The following XDH variants were observed in gnomAD, a reference collection of about 807,000 sequenced individuals.
The protein encoded by XDH is xanthine dehydrogenase, also known as xanthine dehydrogenase/oxidase.
In XDH, 138 loss-of-function variants were observed where a neutral mutation model predicts 156.1. The ratio of observed to expected loss-of-function variants is 0.88; its 90% confidence interval spans 0.77 to 1.02. The LOEUF (loss-of-function observed/expected upper bound fraction) is 1.02, where lower values mean the gene tolerates loss of function less well. Ranked by LOEUF, XDH falls within the 50% of genes least tolerant of loss-of-function variation. The pLI, the probability that XDH is intolerant of heterozygous loss-of-function variation, is 0.00. For missense variants in XDH, 1,849 were observed against 1,684.9 expected, an observed-to-expected ratio of 1.10 and a Z score of -1.71; for synonymous variants, 669 against 625.7, an observed-to-expected ratio of 1.07 and a Z score of -1.03.
intron 14 of XDH, among the ~76,000 whole-genome samples, chr2:31,375,871 A>G (rs1686230595): frequency 6.6e-6 from 1 of 152,240 alleles, no homozygotes; most frequent in South Asian, 2.1e-4. Context: ...AAATGTAGTA[A>G]GCAAAATTCC....
intron 6 of XDH, among the ~76,000 whole-genome samples, chr2:31,389,351 G>A (rs1686701266): frequency 6.6e-6 from 1 of 152,196 alleles, no homozygotes; most frequent in African/African-American, 2.4e-5. Flanking sequence ...CCCACCACCT[G>A]GACACGCTGC....
rs372719993 is a variant in XDH at position 31,348,324 on chromosome 2, G to A, written c.3091C>T (p.Leu1031=). ...LLHVYTDGSV[L]LTHGGTEMGQ... ...ATCTCAGTCCCCCCGTGGGTCAGCA[G>A]CACAGAGCCATCTGTGTACACATGA... Residue 1031 remains leucine, a synonymous_variant, in exon 28 of 36, where the codon CTG becomes TTG. Coordinates refer to ENST00000379416, the MANE Select transcript of XDH (RefSeq NM_000379.4). 28 of 1,614,202 alleles carry A rather than the reference G, an allele frequency of 1.7e-5. No individual in the cohort carries two copies. The African/African-American group carries it at 3.6e-4, about 21-fold the overall frequency.
At chr2:31,346,903 C>A (rs1462028578) in intron 29 of XDH, 60 bp from the exon 30 acceptor site, 3 of 1,610,622 alleles carry the variant, frequency 1.9e-6, no homozygotes, top group African/African-American at 1.3e-5. Flanking sequence ...GTAGCCCAGG[C>A]AAAACCCGAG....
At chr2:31,370,535 C>G in intron 17 of XDH, 57 bp from the exon 18 acceptor site, 1 of 1,607,926 alleles carries the variant, frequency 6.2e-7, no homozygotes, top group South Asian at 1.1e-5. Context: ...GGGGACCCAT[C>G]ACCTGGTTGG....
intron 3 of XDH, 47 bp from the exon 4 acceptor site, chr2:31,401,375 A>T: frequency 6.3e-7 from 1 of 1,597,708 alleles, no homozygotes; most frequent in Non-Finnish European, 8.6e-7. Flanking sequence ...CACTCAGATC[A>T]TCAGAATGGG....
chr2:31,400,038 C>T (rs1047171946), intron 4 of XDH, among the ~76,000 whole-genome samples: 2 of 152,284 alleles, frequency 1.3e-5, no homozygotes, highest in South Asian at 4.1e-4. Flanking sequence ...AATTTCCCCT[C>T]TTCCTGCCTA....
chr2:31,338,714 CTTTTTTTTTTTTTT>C (rs57389753), intron 34 of XDH, among the ~76,000 whole-genome samples: 1 of 62,150 alleles, frequency 1.6e-5, no homozygotes, highest in African/African-American at 7.1e-5. Context: ...CTGACCAAGT[CTTTTTTTTTTTTTT>C]TTTTTTTTTT....
chr2:31,408,667 T>C (rs1687257956), intron 1 of XDH, among the ~76,000 whole-genome samples: 1 of 152,198 alleles, frequency 6.6e-6, no homozygotes. Flanking sequence ...ATCAACACAA[T>C]TGATCCAGTT....
At chr2:31,414,064 T>G (rs946515258) in intron 1 of XDH, among the ~76,000 whole-genome samples, 96 of 151,752 alleles carry the variant, frequency 6.3e-4, no homozygotes, top group African/African-American at 2.2e-3. Flanking sequence ...ATGCCCTTTA[T>G]GAAAAAAAAA....
intron 18 of XDH, among the ~76,000 whole-genome samples, chr2:31,369,094 C>A (rs1358796025): frequency 6.6e-6 from 1 of 152,130 alleles, no homozygotes; most frequent in East Asian, 1.9e-4. Context: ...GCCCTGACCC[C>A]CAGTTTTATT....
intron 7 of XDH, 128 bp from the exon 8 acceptor site, chr2:31,388,025 A>G: frequency 8.5e-7 from 1 of 1,181,774 alleles, no homozygotes; most frequent in South Asian, 1.3e-5. Context: ...GGAGCAGGTA[A>G]TCCCTGGGAG....
At chr2:31,385,527 G>A (rs184314612) in intron 9 of XDH, among the ~76,000 whole-genome samples, 2 of 152,318 alleles carry the variant, frequency 1.3e-5, no homozygotes, top group East Asian at 3.9e-4. Flanking sequence ...CTGCTTAGAA[G>A]GAGAGCATGC....
At chr2:31,350,642 G>T (rs1431508144) in intron 24 of XDH, among the ~76,000 whole-genome samples, 2 of 152,118 alleles carry the variant, frequency 1.3e-5, no homozygotes, top group African/African-American at 4.8e-5. Flanking sequence ...CCAAAGTGCT[G>T]GGATTACAGG....
chr2:31,339,526 C>T lies in XDH; in HGVS notation c.3737G>A (p.Arg1246His), dbSNP rs140606023. The T allele has an allele frequency of 1.7e-4, 267 of 1,614,188 alleles. No individual in the cohort carries two copies. Among genetic ancestry groups the T allele is most frequent in the African/African-American group, 2.8e-4 (21 of 75,050 alleles). The change falls in exon 34 of 36, where the codon CGC (arginine) becomes CAC (histidine). Residue 1246 changes from arginine to histidine, a missense_variant. By Grantham distance (29) the Arg-to-His change is conservative. Transcript: ENST00000379416. The part of the protein sequence containing the change: ...IPIEFRVSLL[R>H]DCPNKKAIYA... ...GATGGCCTTCTTGTTGGGGCAGTCG[C>T]GGAGCAGGGACACCCTGAACTCAAT...
intron 13 of XDH, among the ~76,000 whole-genome samples, chr2:31,378,355 C>T (rs1348368738): frequency 6.6e-6 from 1 of 152,156 alleles, no homozygotes; most frequent in African/African-American, 2.4e-5. Context: ...CACCTGACTT[C>T]AGGCCCTTTC....
chr2:31,373,907 T>C lies in XDH; in HGVS notation c.1652A>G (p.Gln551Arg), dbSNP rs1038659579. 1.9e-6 allele frequency: 3 copies of C among 1,613,870 alleles called. No homozygotes were observed. The highest frequency in any genetic ancestry group is 2.2e-5 in the East Asian group (1 of 44,896). Residue 551 changes from glutamine (Q) to arginine (R), a missense_variant, in exon 16 of 36, where the codon CAG becomes CGG. Gln to Arg is a conservative substitution (Grantham distance 43, BLOSUM62 1). Transcript: ENST00000379416. The stretch of plus-strand genomic sequence containing the variant: ...CTGGACATCGGCTGGGGGGTCTTTC[T>C]GAAACAGTAAAGTTGCACTGGCGAA... ...PTFASATLLF[Q>R]KDPPADVQLF...
chr2:31,349,986 A>G (rs769446153), intron 25 of XDH, 46 bp downstream of exon 25: 2 of 1,612,624 alleles, frequency 1.2e-6, no homozygotes, highest in South Asian at 2.2e-5. Context: ...TGTCCCCCGA[A>G]GTAGTCTAAA....
chr2:31,383,269 C>G, intron 10 of XDH, 117 bp from the exon 11 acceptor site: 1 of 1,506,370 alleles, frequency 6.6e-7, no homozygotes. Context: ...GGACTCACAG[C>G]TTTCCATGGA....
chr2:31,335,808 C>A lies in XDH; in HGVS notation c.*150G>T. 1 of 862,620 alleles carries A rather than the reference C, an allele frequency of 1.2e-6. No individual in the cohort carries two copies. The highest frequency in any genetic ancestry group is 2.6e-5 in the East Asian group (1 of 38,932). 53.4% of individuals were successfully genotyped at this position (862,620 alleles called of 1,614,324 possible). On this transcript the variant is annotated 3_prime_UTR_variant, in exon 36 of 36. Coordinates refer to ENST00000379416, the MANE Select transcript of XDH (RefSeq NM_000379.4). ...AATTACATTTTTGATCAAAATCTTC[C>A]ATTGCATTCACTTGTCTTCCAAATC...
Sources: allele counts gnomAD v4.1 joint callset (sites outside exome capture counted in the v4.1 genomes callset), GRCh38; gene constraint gnomAD v4.1.1; transcripts MANE v1.5; gene names NCBI Gene and HGNC (gene_info 2026-07-23, HGNC 2026-07-21).